ADA2: variants seen among roughly 807,000 people sequenced by gnomAD.
ADA2 encodes the protein adenosine deaminase CECR1.
ADA2 carries 29 observed loss-of-function variants against 44.2 expected under a neutral mutation model. The ratio of observed to expected loss-of-function variants is 0.66; its 90% CI spans 0.49 to 0.89. The LOEUF (loss-of-function observed/expected upper bound fraction) is 0.89. Ranked by LOEUF, ADA2 falls within the 40% of genes least tolerant of loss-of-function variation. The probability of loss-of-function intolerance (pLI) is 0.00; values close to 1 mark genes in which losing one functional copy is unlikely to be tolerated. For synonymous variants in ADA2, 215 were observed against 234.9 expected (o/e 0.92, Z 0.77); for missense variants, 637 against 644.8 (o/e 0.99, Z 0.13).
chr22:17,183,835 C>T (rs959848713), intron 7 of ADA2, among the ~76,000 whole-genome samples: 30 of 152,054 alleles, frequency 2.0e-4, no homozygotes, highest in Non-Finnish European at 4.0e-4. Context: ...AGTATAACTA[C>T]CTGTATGTGC....
intron 1 of ADA2, chr22:17,213,506 T>G: frequency 4.2e-6 from 1 of 236,402 alleles, no homozygotes; most frequent in Non-Finnish European, 8.6e-6. Context: ...CACCGGGGAG[T>G]GTCGTGGATG....
intron 1 of ADA2, chr22:17,214,188 A>G: frequency 1.6e-6 from 1 of 607,288 alleles, no homozygotes; most frequent in Non-Finnish European, 3.0e-6. Flanking sequence ...AGCAGCATCG[A>G]GGGTTGGCAA....
intron 6 of ADA2, among the ~76,000 whole-genome samples, chr22:17,189,019 CTTT>C (rs71200243): frequency 5.4e-4 from 56 of 102,902 alleles, no homozygotes; most frequent in East Asian, 1.4e-3. Context: ...AATCTAGATT[CTTT>C]TTTTTTTTTT....
chr22:17,191,860 C>T, intron 4 of ADA2, 50 bp from the exon 5 acceptor site: 2 of 1,567,934 alleles, frequency 1.3e-6, no homozygotes, highest in Non-Finnish European at 8.6e-7. Context: ...TGAGAGACGC[C>T]ACCCCCTTCC....
rs551968547 is a variant in ADA2 at position 17,191,780 on chromosome 22, C to T, written c.784G>A (p.Glu262Lys). Reference protein sequence around the residue: ...VYELSGEHHDEEWSVKTYQEV... With the variant: ...VYELSGEHHDKEWSVKTYQEV... ...TGGTAAGTCTTCACTGACCACTCTT[C>T]GTCATGGTGCTCTCCACTGAGCTCA... Residue 262 changes from glutamate (E) to lysine (K), a missense_variant, in exon 5 of 10, where the codon GAA becomes AAA. Coordinates refer to ENST00000399837, the MANE Select transcript of ADA2 (RefSeq NM_001282225.2). 9 of 1,613,662 alleles carry T rather than the reference C, an allele frequency of 5.6e-6. No individual in the cohort carries two copies. Among genetic ancestry groups the T allele is most frequent in the Admixed American group, 1.7e-5 (1 of 60,008 alleles).
intron 4 of ADA2, chr22:17,193,208 A>G: frequency 9.0e-6 from 11 of 1,218,656 alleles, no homozygotes; most frequent in Non-Finnish European, 1.3e-5. Context: ...ATCGCTCACA[A>G]CGTTTCCTCT....
Position 17,184,641 on chromosome 22 carries a change from C to T in ADA2, c.1082-1880G>A, listed in dbSNP as rs113501855. On this transcript the variant is annotated intron_variant, in intron 7 of 9. Coordinates refer to ENST00000399837, the MANE Select transcript of ADA2 (RefSeq NM_001282225.2). ...AATGGATTCACATATAAAATATGAA[C>T]ATCTGGCTGGGTGCGGTGGCTCACA... Among the ~76,000 whole-genome samples the T allele has an allele frequency of 2.1e-3, 313 of 152,050 alleles. 2 individuals are homozygous for T. Among genetic ancestry groups the T allele is most frequent in the African/African-American group, 7.2e-3 (297 of 41,464 alleles).
At chr22:17,214,047 A>G in intron 1 of ADA2, 1 of 446,164 alleles carries the variant, frequency 2.2e-6, no homozygotes, top group South Asian at 2.0e-5. Flanking sequence ...CTCAAAAAAA[A>G]AAAAAAAAAA....
chr22:17,195,938 G>A (rs1050696036), intron 4 of ADA2, among the ~76,000 whole-genome samples: 4 of 151,716 alleles, frequency 2.6e-5, no homozygotes, highest in South Asian at 4.2e-4. Flanking sequence ...TGGTAGAGAC[G>A]GGGTTTCGCC....
At chr22:17,184,507 A>G (rs2062012846) in intron 7 of ADA2, among the ~76,000 whole-genome samples, 1 of 152,126 alleles carries the variant, frequency 6.6e-6, no homozygotes, top group South Asian at 2.1e-4. Flanking sequence ...GGGCAGAATC[A>G]CCCACACAAT....
At position 17,203,589 on chromosome 22, in the gene ADA2, T is replaced by C. The variant is rs1355940322; in HGVS notation, c.727A>G (p.Met243Val). The change falls in exon 4 of 10, where the codon ATG (methionine) becomes GTG (valine). Residue 243 changes from methionine (M) to valine (V), a missense_variant. Physicochemically the swap from Met to Val is conservative, Grantham distance 21. Transcript: ENST00000399837. ...GGCAGCAGCCTGGCTCTGATCTCCATGTAGAGCACGTTGTCCTCGTAGAAC... is the reference window on the plus strand; with the variant it reads ...GGCAGCAGCCTGGCTCTGATCTCCACGTAGAGCACGTTGTCCTCGTAGAAC... ...QEFYEDNVLY[M>V]EIRARLLPVY... is the part of the protein sequence containing the mutation. 2.5e-6 allele frequency: 4 copies of C among 1,612,804 alleles called. No homozygotes were observed. The highest frequency in any genetic ancestry group is 1.3e-5 in the African/African-American group (1 of 75,006).
intron 7 of ADA2, among the ~76,000 whole-genome samples, chr22:17,186,733 G>C (rs1311752493): frequency 2.0e-5 from 3 of 151,310 alleles, no homozygotes; most frequent in Non-Finnish European, 4.4e-5. Flanking sequence ...GCTAGGCATG[G>C]TGGTGCATGC....
intron 1 of ADA2, among the ~76,000 whole-genome samples, chr22:17,216,135 C>T (rs1426419915): frequency 2.0e-5 from 3 of 151,908 alleles, no homozygotes; most frequent in South Asian, 2.1e-4. Flanking sequence ...TGCAGTGAGC[C>T]GATATCGCAC....
chr22:17,218,203 A>G (rs539790556), intron 1 of ADA2, among the ~76,000 whole-genome samples: 25 of 152,216 alleles, frequency 1.6e-4, no homozygotes, highest in Non-Finnish European at 3.1e-4. Flanking sequence ...TTTTTAAGTT[A>G]AAGAAAAATA....
rs922842729 is a variant in ADA2, at chr22:17,199,430, C to T, written c.753+4133G>A. On this transcript the variant is annotated intron_variant, in intron 4 of 9. Coordinates refer to ENST00000399837, the MANE Select transcript of ADA2 (RefSeq NM_001282225.2). ...GTCTCAGCGTCTCCTCCCTCCCCTC[C>T]TCTATCCTCTTCCCCTCCACCCACG... is the stretch of plus-strand genomic sequence containing the variant. The T allele has an allele frequency of 5.1e-5, 52 of 1,019,272 alleles. No individual in the cohort carries two copies. The Admixed American group carries it at 8.6e-4, about 17-fold the overall frequency. 63.1% of individuals were successfully genotyped at this position (1,019,272 alleles called of 1,614,324 possible). A position where few individuals can be genotyped will look rare whatever the true frequency, so the allele number is the denominator to read the frequency against.
At chr22:17,189,917 C>A in intron 6 of ADA2, 25 bp downstream of exon 6, 4 of 1,557,454 alleles carry the variant, frequency 2.6e-6, no homozygotes, top group Non-Finnish European at 3.5e-6. Flanking sequence ...TAACAGGCAG[C>A]CCTTCTGTTC....
intron 7 of ADA2, among the ~76,000 whole-genome samples, chr22:17,187,657 C>T (rs965973130): frequency 4.6e-5 from 6 of 130,404 alleles, no homozygotes; most frequent in African/African-American, 1.5e-4. Flanking sequence ...GCCCCTACCA[C>T]GAAAAATTAA....
intron 4 of ADA2, chr22:17,199,754 T>A: frequency 6.8e-7 from 1 of 1,461,498 alleles, no homozygotes; most frequent in South Asian, 1.4e-5. Flanking sequence ...ATCAAGCTCT[T>A]TGACCTTTCC....
intron 1 of ADA2, among the ~76,000 whole-genome samples, chr22:17,210,421 C>T (rs1034623464): frequency 6.6e-6 from 1 of 151,452 alleles, no homozygotes; most frequent in Non-Finnish European, 1.5e-5. Flanking sequence ...AACTCCTGAC[C>T]TCAGGTGATC....
Sources: allele counts gnomAD v4.1 joint callset (sites outside exome capture counted in the v4.1 genomes callset), GRCh38; gene constraint gnomAD v4.1.1; transcripts MANE v1.5; gene names NCBI Gene and HGNC (gene_info 2026-07-23, HGNC 2026-07-21).